WDR33: variants seen among roughly 807,000 people sequenced by gnomAD.
WDR33 encodes the protein WD repeat domain 33.
A neutral mutation model predicts 164.9 loss-of-function variants in WDR33; 47 were observed. That is an observed-to-expected ratio of 0.29 (90% CI 0.23 to 0.36). The LOEUF is 0.36. WDR33 is among the 10% of genes least tolerant of loss of function. The probability of loss-of-function intolerance (pLI) is 1.00; values close to 1 mark genes in which losing one functional copy is unlikely to be tolerated. For missense variants in WDR33, 1,137 were observed against 1,754.1 expected, an observed-to-expected ratio of 0.65 and a Z score of 6.28; for synonymous variants, 505 against 589.0, an observed-to-expected ratio of 0.86 and a Z score of 2.06.
intron 7 of WDR33, among the ~76,000 whole-genome samples, chr2:127,733,835 T>C (rs1365656442): frequency 6.6e-6 from 1 of 152,166 alleles, no homozygotes; most frequent in African/African-American, 2.4e-5. Flanking sequence ...AACAAAAAAT[T>C]ATCTTTCAAT....
intron 1 of WDR33, among the ~76,000 whole-genome samples, chr2:127,777,742 G>A (rs758473468): frequency 6.6e-6 from 1 of 151,062 alleles, no homozygotes; most frequent in Non-Finnish European, 1.5e-5. Flanking sequence ...TCCCAAGTAT[G>A]TGGGACTACA....
At position 127,735,699 on chromosome 2, in the gene WDR33, T is replaced by G. The variant is rs551452439; in HGVS notation, c.725-8922A>C. 7.1e-6 allele frequency: 7 copies of G among 985,728 alleles called. No homozygotes were observed. The highest frequency in any genetic ancestry group is 8.4e-6 in the Non-Finnish European group (7 of 829,934). The allele number at this position is 985,728 out of a possible 1,614,324, so 61.1% of individuals were successfully genotyped here. A position where few individuals can be genotyped will look rare whatever the true frequency, so the allele number is the denominator to read the frequency against. On this transcript the variant is annotated intron_variant, in intron 7 of 21. Coordinates refer to ENST00000322313, the MANE Select transcript of WDR33 (RefSeq NM_018383.5). This position sits in a 1 kb window ranked among gnomAD's most constrained non-coding sequence, Gnocchi z 4.3. The stretch of plus-strand genomic sequence containing the variant: ...AAGACAAAGGGTATATGAGTACCCA[T>G]GGCCCATAGCCAGATACTCCAGTTG...
At position 127,702,065 on chromosome 2, in the gene WDR33, G is replaced by C; in HGVS notation, c.*4258C>G. ...TGGGCGCGGGCGCGCAGGTGGCCGC[G>C]CTGCTGGCCGCGCTGGTTGGGCTGC... On this transcript the variant is annotated 3_prime_UTR_variant, in exon 22 of 22. Coordinates refer to ENST00000322313, the MANE Select transcript of WDR33 (RefSeq NM_018383.5). 3 of 1,208,804 alleles carry C rather than the reference G, an allele frequency of 2.5e-6. No homozygotes were observed. The highest frequency in any genetic ancestry group is 3.1e-6 in the Non-Finnish European group (3 of 971,976). The allele number at this position is 1,208,804 out of a possible 1,614,324, so 74.9% of individuals were successfully genotyped here.
At chr2:127,755,593 C>T (rs978298824) in intron 7 of WDR33, among the ~76,000 whole-genome samples, 1 of 152,206 alleles carries the variant, frequency 6.6e-6, no homozygotes, top group Non-Finnish European at 1.5e-5. Flanking sequence ...CAAGCCTGCG[C>T]GTGCATGCAT....
intron 4 of WDR33, among the ~76,000 whole-genome samples, chr2:127,767,212 C>T (rs1317615549): frequency 6.6e-6 from 1 of 152,016 alleles, no homozygotes; most frequent in Non-Finnish European, 1.5e-5. Context: ...CCTCATCTGC[C>T]ACTAATGTTT....
rs547694760 is a variant in WDR33, at chr2:127,741,756, A to G, written c.725-14979T>C. The stretch of plus-strand genomic sequence containing the variant: ...AAACAGGAACAACAGATCAAACCAG[A>G]CATCCACACAAACACCCCAATTACT... On this transcript the variant is annotated intron_variant, in intron 7 of 21. Coordinates refer to ENST00000322313, the MANE Select transcript of WDR33 (RefSeq NM_018383.5). The surrounding 1 kb of genome is among the most constrained non-coding windows in gnomAD (Gnocchi z 4.1). Among the ~76,000 whole-genome samples the G allele has an allele frequency of 1.8e-4, 28 of 152,334 alleles. No homozygotes were observed. The highest frequency in any genetic ancestry group is 6.5e-4 in the African/African-American group (27 of 41,572).
chr2:127,706,580 C>A lies in WDR33; in HGVS notation c.3782-28G>T. The A allele has an allele frequency of 1.3e-6, 2 of 1,575,264 alleles. No homozygotes were observed. Among genetic ancestry groups the A allele is most frequent in the Non-Finnish European group, 1.7e-6 (2 of 1,161,386 alleles). On this transcript the variant is annotated intron_variant, in intron 21 of 21. Transcript: ENST00000322313. This position sits in a 1 kb window ranked among gnomAD's most constrained non-coding sequence, Gnocchi z 5.1. ...GAAACAAAGAAAATTTCACATGGGA[C>A]TTTTTGTATTAGCAACTGTTTGTCA...
Position 127,763,103 on chromosome 2 carries a change from A to G in WDR33, c.683T>C (p.Ile228Thr). The change falls in exon 7 of 22, where the codon ATC becomes ACC. Residue 228 changes from isoleucine (I) to threonine (T), a missense_variant. Ile to Thr is a moderately conservative substitution (Grantham distance 89). Coordinates refer to ENST00000322313, the MANE Select transcript of WDR33 (RefSeq NM_018383.5). This position sits in a 1 kb window ranked among gnomAD's most constrained non-coding sequence, Gnocchi z 4.5. ...CTCATGGCAACGAAGAAAGTCCCAG[A>G]TTCTAACAGTGCCGTCATCAGAGCA... ...ATCSDDGTVR[I>T]WDFLRCHEER... is the part of the protein sequence containing the mutation. 1 of 1,614,126 alleles carries G rather than the reference A, an allele frequency of 6.2e-7. No homozygotes were observed. Among genetic ancestry groups the G allele is most frequent in the Non-Finnish European group, 8.5e-7 (1 of 1,179,946 alleles).
At chr2:127,740,366 C>G (rs1434773307) in intron 7 of WDR33, among the ~76,000 whole-genome samples, 2 of 151,520 alleles carry the variant, frequency 1.3e-5, no homozygotes, top group Non-Finnish European at 3.0e-5. Flanking sequence ...CACACACACA[C>G]ACACACGGAT....
chr2:127,767,721 AT>A (rs1490217991), intron 4 of WDR33, among the ~76,000 whole-genome samples: 1 of 152,204 alleles, frequency 6.6e-6, no homozygotes, highest in Non-Finnish European at 1.5e-5. Flanking sequence ...TCTAAAAAAA[AT>A]AAAAAAATAA....
In WDR33 at chr2:127,701,892, G is replaced by T. The variant is rs777128165; in HGVS notation, c.*4431C>A. The T allele has an allele frequency of 6.9e-7, 1 of 1,456,412 alleles. No homozygotes were observed. The highest frequency in any genetic ancestry group is 2.5e-5 in the Admixed American group (1 of 39,558). 90.2% of individuals were successfully genotyped at this position (1,456,412 alleles called of 1,614,324 possible). A position where few individuals can be genotyped will look rare whatever the true frequency, so the allele number is the denominator to read the frequency against. ...ACTGGGCTCGGCGCTGGCGTTGGCG[G>T]GAAGCGCGCTGCTGCGGGGCGGCGC... On this transcript the variant is annotated 3_prime_UTR_variant, in exon 22 of 22. Transcript: ENST00000322313.
intron 1 of WDR33, among the ~76,000 whole-genome samples, chr2:127,801,572 T>C (rs1462594580): frequency 6.6e-6 from 1 of 151,592 alleles, no homozygotes; most frequent in Non-Finnish European, 1.5e-5. Flanking sequence ...ATAGAGGTTC[T>C]TCAAAAATGT....
Position 127,729,190 on chromosome 2 carries a change from C to A in WDR33, c.725-2413G>T, listed in dbSNP as rs181705534. On this transcript the variant is annotated intron_variant, in intron 7 of 21. Transcript: ENST00000322313. ...TACTTATGTATAGCGTTATTCTAAG[C>A]GAAGTATGTGTAGCGACTCATTTTA... Among the ~76,000 whole-genome samples the A allele has an allele frequency of 3.9e-5, 6 of 152,278 alleles. No individual in the cohort carries two copies. The East Asian group carries it at 9.6e-4, about 24-fold the overall frequency.
chr2:127,741,865 A>AC lies in WDR33; in HGVS notation c.725-15089dup, dbSNP rs70985475. 0.13 allele frequency among the ~76,000 whole-genome samples: 20,084 copies of AC among 152,168 alleles called. 1,445 individuals carry two copies. Among genetic ancestry groups the AC allele is most frequent in the South Asian group, 0.25 (1,214 of 4,826 alleles). The stretch of plus-strand genomic sequence containing the variant: ...CCTTGAAAAATGAAAAGATTAGAGA[A>AC]CCACTAGAAATTCTTGAAAAGTAAA... On this transcript the variant is annotated intron_variant, in intron 7 of 21. Transcript: ENST00000322313. This position sits in a 1 kb window ranked among gnomAD's most constrained non-coding sequence, Gnocchi z 4.1.
At position 127,708,847 on chromosome 2, in the gene WDR33, G is replaced by T; in HGVS notation, c.3611C>A (p.Pro1204His). ...HFRDTPRPDH[P>H]PHDGHSPASR... ...GGCTGGGGAATGACCGTCGTGAGGGGGATGATCAGGGCGGGGAGTATCACG... is the reference window on the plus strand; with the variant it reads ...GGCTGGGGAATGACCGTCGTGAGGGTGATGATCAGGGCGGGGAGTATCACG... Residue 1204 changes from proline to histidine, a missense_variant, in exon 21 of 22, where the codon CCC (proline) becomes CAC (histidine). This residue lies in a region of WDR33 where 867 missense variants were observed against 1,073.0 expected (regional missense o/e 0.81). Transcript: ENST00000322313. The surrounding 1 kb of genome is among the most constrained non-coding windows in gnomAD (Gnocchi z 6.7). The T allele has an allele frequency of 5.0e-6, 8 of 1,609,570 alleles. No individual in the cohort carries two copies. Among genetic ancestry groups the T allele is most frequent in the Non-Finnish European group, 6.8e-6 (8 of 1,177,230 alleles).
intron 7 of WDR33, among the ~76,000 whole-genome samples, chr2:127,744,897 T>C (rs972680099): frequency 5.3e-5 from 8 of 152,182 alleles, no homozygotes; most frequent in African/African-American, 1.9e-4. Context: ...ATGCAATTCA[T>C]AGAATATACC....
intron 1 of WDR33, among the ~76,000 whole-genome samples, chr2:127,806,392 G>A (rs1221976098): frequency 6.6e-6 from 1 of 151,794 alleles, no homozygotes; most frequent in Admixed American, 6.6e-5. Flanking sequence ...ATTTTTAGTA[G>A]AGACGAGGTT....
chr2:127,786,852 T>TTTTTG (rs1476461614), intron 1 of WDR33, among the ~76,000 whole-genome samples: 2 of 147,844 alleles, frequency 1.4e-5, no homozygotes, highest in Non-Finnish European at 3.0e-5. Context: ...TTCTTTTTTT[T>TTTTTG]TTTTTTTTTT....
rs149791218 is a variant in WDR33, at chr2:127,790,719, T to C, written c.-23-19715A>G. On this transcript the variant is annotated intron_variant, in intron 1 of 21. Coordinates refer to ENST00000322313, the MANE Select transcript of WDR33 (RefSeq NM_018383.5). ...TCGAACTCCTGGGCTCAAGCGATCC[T>C]CCTGTCTCAGCCTCCCAAGTAGCTG... Among the ~76,000 whole-genome samples the C allele has an allele frequency of 9.3e-3, 1,412 of 152,222 alleles. 18 individuals carry two copies. The highest frequency in any genetic ancestry group is 0.054 in the Middle Eastern group (16 of 294).
Sources: allele counts gnomAD v4.1 joint callset (sites outside exome capture counted in the v4.1 genomes callset), GRCh38; gene constraint gnomAD v4.1.1; regional missense constraint gnomAD v4.1.1; non-coding constraint Gnocchi (gnomAD v3.1); transcripts MANE v1.5; gene names NCBI Gene and HGNC (gene_info 2026-07-23, HGNC 2026-07-21).